Variants in ITGB6 observed in about 807,000 individuals in gnomAD.
ITGB6 encodes the protein integrin subunit beta 6, also known as integrin beta-6.
Under a neutral mutation model 84.5 loss-of-function variants are expected in ITGB6, and 80 were observed. The observed-to-expected ratio is 0.95, with a 90% confidence interval of 0.79 to 1.14. ITGB6 has a LOEUF of 1.14. Ranked by LOEUF, ITGB6 falls within the 50% of genes most tolerant of loss-of-function variation. The pLI is 0.00. For missense variants in ITGB6, 1,006 were observed against 968.0 expected (o/e 1.04, Z -0.52); for synonymous variants, 383 against 354.9 (o/e 1.08, Z -0.89).
intron 4 of ITGB6, among the ~76,000 whole-genome samples, chr2:160,181,759 G>A (rs981018973): frequency 8.5e-5 from 13 of 152,318 alleles, no homozygotes; most frequent in African/African-American, 3.1e-4. Context: ...CATCTGGCGG[G>A]TGCCCCTCTG....
intron 12 of ITGB6, among the ~76,000 whole-genome samples, chr2:160,115,846 C>T (rs975308656): frequency 2.0e-5 from 3 of 151,942 alleles, no homozygotes; most frequent in African/African-American, 4.8e-5. Flanking sequence ...AGCCAAGGCT[C>T]GAGAACTACG....
chr2:160,171,647 T>A (rs1241700107), intron 6 of ITGB6, among the ~76,000 whole-genome samples: 2 of 152,178 alleles, frequency 1.3e-5, no homozygotes, highest in Admixed American at 1.3e-4. Context: ...ATTTCATACA[T>A]TAGTTGGCAC....
chr2:160,144,681 A>G (rs1684126922), intron 7 of ITGB6, among the ~76,000 whole-genome samples: 5 of 152,254 alleles, frequency 3.3e-5, no homozygotes. Flanking sequence ...TCACAGATAT[A>G]TTCTGCAAGC....
intron 2 of ITGB6, among the ~76,000 whole-genome samples, chr2:160,197,787 G>T (rs1002461772): frequency 4.6e-5 from 7 of 152,212 alleles, no homozygotes; most frequent in African/African-American, 1.2e-4. Flanking sequence ...CAGTGTCATT[G>T]CTATCACCTC....
At chr2:160,125,938 A>C (rs981487088) in intron 11 of ITGB6, among the ~76,000 whole-genome samples, 14 of 152,204 alleles carry the variant, frequency 9.2e-5, no homozygotes, top group African/African-American at 3.4e-4. Flanking sequence ...CTGTGAGCCT[A>C]TAGATAGGAA....
intron 14 of ITGB6, among the ~76,000 whole-genome samples, chr2:160,105,659 TG>T (rs1696878681): frequency 6.6e-6 from 1 of 152,224 alleles, no homozygotes; most frequent in Non-Finnish European, 1.5e-5. Context: ...GATTATATCA[TG>T]GGGCTTGCTG....
chr2:160,181,316 C>G (rs1685658859), intron 4 of ITGB6, among the ~76,000 whole-genome samples: 1 of 152,142 alleles, frequency 6.6e-6, no homozygotes, highest in Admixed American at 6.5e-5. Context: ...GGGGCATCTG[C>G]CATTACTGAG....
At chr2:160,135,932 A>G (rs1683694480) in intron 10 of ITGB6, among the ~76,000 whole-genome samples, 1 of 152,208 alleles carries the variant, frequency 6.6e-6, no homozygotes, top group Non-Finnish European at 1.5e-5. Context: ...TAAATATTAG[A>G]CCTAAAACAA....
Position 160,101,260 on chromosome 2 carries a change from C to G in ITGB6, c.*476G>C, listed in dbSNP as rs899641363. ...TTTAGCTGAAATAAACTCAGAATCT[C>G]ATTTCTCAGAGATTTAAAAAAAATT... On this transcript the variant is annotated 3_prime_UTR_variant, in exon 15 of 15. Transcript: ENST00000283249. The G allele has an allele frequency of 3.9e-5, 6 of 153,778 alleles. No individual in the cohort carries two copies. Among genetic ancestry groups the G allele is most frequent in the Middle Eastern group, 3.3e-3 (1 of 306 alleles). 9.5% of individuals were successfully genotyped at this position (153,778 alleles called of 1,614,324 possible). A position where few individuals can be genotyped will look rare whatever the true frequency, so the allele number is the denominator to read the frequency against.
At chr2:160,176,857 A>G (rs1461530097) in intron 4 of ITGB6, among the ~76,000 whole-genome samples, 2 of 152,238 alleles carry the variant, frequency 1.3e-5, no homozygotes, top group African/African-American at 4.8e-5. Flanking sequence ...TGTGAGATGA[A>G]TCATAGTTTA....
At position 160,157,454 on chromosome 2, in the gene ITGB6, G is replaced by A. The variant is rs1415445874; in HGVS notation, c.1017+11758C>T. On this transcript the variant is annotated intron_variant, in intron 7 of 14. Transcript: ENST00000283249. ...AAATAGGTGTTGACTGTATAGCCAC[G>A]GTTCACTCTTCTCCACCAGGCCTCT... is the stretch of plus-strand genomic sequence containing the variant. Among the ~76,000 whole-genome samples the A allele has an allele frequency of 5.3e-5, 8 of 152,046 alleles. No individual in the cohort carries two copies. In the East Asian group the frequency reaches 7.7e-4, roughly 15 times the overall value.
chr2:160,186,052 T>C (rs1234196088), intron 4 of ITGB6, among the ~76,000 whole-genome samples: 1 of 151,958 alleles, frequency 6.6e-6, no homozygotes, highest in African/African-American at 2.4e-5. Flanking sequence ...ATTCAGAACA[T>C]AGGCATGGGC....
Position 160,187,504 on chromosome 2 carries a change from C to G in ITGB6, c.593+7865G>C, listed in dbSNP as rs188297465. On this transcript the variant is annotated intron_variant, in intron 4 of 14. Transcript: ENST00000283249. ...AGTCATTGAAAAAAGCTATTATATGCTTCTTCCTTTCCAACTATATGTTTA... is the reference window on the plus strand; with the variant it reads ...AGTCATTGAAAAAAGCTATTATATGGTTCTTCCTTTCCAACTATATGTTTA... Among the ~76,000 whole-genome samples, 62 of 152,286 alleles carry G rather than the reference C, an allele frequency of 4.1e-4. 1 individual carries two copies. The East Asian group carries it at 0.012, about 28-fold the overall frequency.
At chr2:160,177,314 C>A (rs1403712705) in intron 4 of ITGB6, among the ~76,000 whole-genome samples, 1 of 151,994 alleles carries the variant, frequency 6.6e-6, no homozygotes, top group African/African-American at 2.4e-5. Flanking sequence ...CGCCTGTAAT[C>A]CCAGCACTTT....
At chr2:160,199,899 G>T (rs1686490063) in intron 1 of ITGB6, 104 bp downstream of exon 1, 2 of 880,062 alleles carry the variant, frequency 2.3e-6, no homozygotes, top group East Asian at 2.5e-5. Flanking sequence ...AAAGAGCAAT[G>T]GAACAGATCA....
intron 12 of ITGB6, among the ~76,000 whole-genome samples, chr2:160,118,452 C>A (rs1158772983): frequency 6.6e-6 from 1 of 152,068 alleles, no homozygotes; most frequent in Non-Finnish European, 1.5e-5. Flanking sequence ...AGGCCTTTGA[C>A]AAAATTCAAC....
At chr2:160,184,862 G>A (rs1302624312) in intron 4 of ITGB6, among the ~76,000 whole-genome samples, 1 of 152,126 alleles carries the variant, frequency 6.6e-6, no homozygotes, top group African/African-American at 2.4e-5. Flanking sequence ...CGCATAAACA[G>A]AACCAAAGAC....
intron 5 of ITGB6, 82 bp from the exon 6 acceptor site, chr2:160,172,812 T>A (rs1685265703): frequency 1.9e-6 from 2 of 1,065,804 alleles, no homozygotes; most frequent in Non-Finnish European, 2.8e-6. Context: ...CTTGGACACA[T>A]TTAGGTTATA....
intron 4 of ITGB6, among the ~76,000 whole-genome samples, chr2:160,185,341 CAGAG>C (rs1319042553): frequency 6.6e-6 from 1 of 152,152 alleles, no homozygotes; most frequent in African/African-American, 2.4e-5. Context: ...CAATAACAGA[CAGAG>C]AGCCAAATCA....
Sources: allele counts gnomAD v4.1 joint callset (sites outside exome capture counted in the v4.1 genomes callset), GRCh38; gene constraint gnomAD v4.1.1; transcripts MANE v1.5; gene names NCBI Gene and HGNC (gene_info 2026-07-23, HGNC 2026-07-21).